The following PDE1A variants were observed in gnomAD, a reference collection of about 807,000 sequenced individuals.
The protein encoded by PDE1A is phosphodiesterase 1A, also known as dual specificity calcium/calmodulin-dependent 3',5'-cyclic nucleotide phosphodiesterase 1A.
PDE1A carries 35 observed loss-of-function variants against 61.7 expected under a neutral mutation model. The observed-to-expected ratio is 0.57, with a 90% CI of 0.43 to 0.75. The LOEUF is 0.75. Among genes scored for constraint, PDE1A ranks in the 30% least tolerant of loss-of-function variants. The pLI, the probability that PDE1A is intolerant of heterozygous loss-of-function variation, is 0.00. For synonymous variants in PDE1A, 232 were observed against 213.2 expected (o/e 1.09, Z -0.77); for missense variants, 597 against 630.6 (o/e 0.95, Z 0.57).
chr2:182,531,378 T>TTA, the PDE1A span, among the ~76,000 whole-genome samples: 1 of 145,416 alleles, frequency 6.9e-6, no homozygotes, highest in African/African-American at 2.5e-5. Context: ...AAAAAGGTAG[T>TTA]AAAAAAAAAA....
chr2:182,345,613 A>C (rs1356186998), intron 1 of PDE1A, among the ~76,000 whole-genome samples: 1 of 152,108 alleles, frequency 6.6e-6, no homozygotes, highest in Non-Finnish European at 1.5e-5. Context: ...TTCTGCAGCT[A>C]CCCTGGCTCC....
chr2:182,446,627 C>A (rs749078173), intron 2 of PDE1A, among the ~76,000 whole-genome samples: 1 of 152,060 alleles, frequency 6.6e-6, no homozygotes, highest in Non-Finnish European at 1.5e-5. Flanking sequence ...ATGGAGAGAA[C>A]AATTAACAAA....
intron 1 of PDE1A, among the ~76,000 whole-genome samples, chr2:182,329,725 T>C (rs1018159820): frequency 1.3e-5 from 2 of 152,188 alleles, no homozygotes; most frequent in East Asian, 1.9e-4. Flanking sequence ...CTATCTCCTA[T>C]CTGCAAAGCA....
intron 2 of PDE1A, among the ~76,000 whole-genome samples, chr2:182,494,892 G>A (rs1688616239): frequency 6.6e-6 from 1 of 152,114 alleles, no homozygotes; most frequent in African/African-American, 2.4e-5. Context: ...TTTGTCTCTT[G>A]TGAGATTCCC....
chr2:182,260,561 T>C (rs1043798192), intron 2 of PDE1A, among the ~76,000 whole-genome samples: 2 of 152,308 alleles, frequency 1.3e-5, no homozygotes, highest in East Asian at 1.9e-4. Flanking sequence ...CTTAGGAGAT[T>C]TGTAAGAGGT....
intron 2 of PDE1A, among the ~76,000 whole-genome samples, chr2:182,435,763 T>C (rs889938285): frequency 2.6e-5 from 4 of 152,090 alleles, no homozygotes; most frequent in African/African-American, 7.2e-5. Context: ...AACTTCAATA[T>C]TGAGTCCTCC....
At chr2:182,687,725 A>T in the PDE1A span, among the ~76,000 whole-genome samples, 443 of 152,206 alleles carry the variant, frequency 2.9e-3, 3 homozygotes, top group African/African-American at 0.01. Context: ...CAGACAATTA[A>T]ACTTCTCCAA....
At chr2:182,311,259 T>C (rs1382112238) in intron 1 of PDE1A, among the ~76,000 whole-genome samples, 1 of 152,250 alleles carries the variant, frequency 6.6e-6, no homozygotes, top group African/African-American at 2.4e-5. Flanking sequence ...AGAAAAACTT[T>C]CCTGACCACT....
the PDE1A span, among the ~76,000 whole-genome samples, chr2:182,626,421 A>T: frequency 6.6e-6 from 1 of 152,042 alleles, no homozygotes. Flanking sequence ...GATATATTTT[A>T]AAATGTTATC....
intron 13 of PDE1A, among the ~76,000 whole-genome samples, chr2:182,153,664 G>A (rs1690913138): frequency 6.6e-6 from 1 of 152,164 alleles, no homozygotes; most frequent in African/African-American, 2.4e-5. Context: ...GAGAAGCTCT[G>A]GAGTGGTGAA....
At chr2:182,347,253 T>C (rs1357330080) in intron 1 of PDE1A, among the ~76,000 whole-genome samples, 1 of 152,132 alleles carries the variant, frequency 6.6e-6, no homozygotes, top group Admixed American at 6.6e-5. Context: ...TACATTGACC[T>C]ACCATGCTAA....
At chr2:182,453,076 A>G (rs1451166454) in intron 2 of PDE1A, among the ~76,000 whole-genome samples, 1 of 152,148 alleles carries the variant, frequency 6.6e-6, no homozygotes, top group Admixed American at 6.6e-5. Context: ...GCATATCATT[A>G]CTGAGACTAT....
chr2:182,336,530 A>G (rs1697825408), intron 1 of PDE1A, among the ~76,000 whole-genome samples: 1 of 152,138 alleles, frequency 6.6e-6, no homozygotes, highest in East Asian at 1.9e-4. Flanking sequence ...AGAAAACCAA[A>G]CACCACATGT....
chr2:182,313,354 C>T (rs1696118029), intron 1 of PDE1A, among the ~76,000 whole-genome samples: 1 of 152,068 alleles, frequency 6.6e-6, no homozygotes, highest in South Asian at 2.1e-4. Flanking sequence ...GCAGGGGCTG[C>T]AGTGAGCTGA....
At chr2:182,230,432 C>T (rs1370930225) in intron 5 of PDE1A, among the ~76,000 whole-genome samples, 2 of 152,046 alleles carry the variant, frequency 1.3e-5, no homozygotes, top group African/African-American at 2.4e-5. Flanking sequence ...AAGGCTAATT[C>T]GTAGAAGGGT....
chr2:182,167,828 AAT>A, downstream of PDE1A: 1 of 713,550 alleles, frequency 1.4e-6, no homozygotes. Flanking sequence ...TGTAAAAGAT[AAT>A]TTTTTTTTTT....
At chr2:182,703,685 T>G in the PDE1A span, among the ~76,000 whole-genome samples, 1 of 152,214 alleles carries the variant, frequency 6.6e-6, no homozygotes, top group South Asian at 2.1e-4. Context: ...TGTGTCATCC[T>G]GAACAAATCA....
chr2:182,431,233 C>T (rs73045434), upstream of PDE1A, among the ~76,000 whole-genome samples: 8,739 of 151,340 alleles, frequency 0.058, 815 homozygotes, highest in African/African-American at 0.2. Flanking sequence ...CACACCTAAA[C>T]TCCAGTTTAG....
the PDE1A span, among the ~76,000 whole-genome samples, chr2:182,642,325 C>G: frequency 1.3e-5 from 2 of 152,088 alleles, no homozygotes; most frequent in African/African-American, 4.8e-5. Context: ...GGAATTTAAA[C>G]AACATCATCA....
Sources: gnomAD v4.1 joint callset for allele counts (sites outside exome capture counted in the v4.1 genomes callset) on GRCh38, gnomAD v4.1.1 for gene constraint, MANE v1.5 for transcripts, NCBI Gene and HGNC (gene_info 2026-07-23, HGNC 2026-07-21) for gene names.